Variants in CHMP3 observed in about 807,000 individuals in gnomAD.
CHMP3 encodes the protein 25.1 protein.
CHMP3 carries 8 observed loss-of-function variants against 27.4 expected under a neutral mutation model. The ratio of observed to expected loss-of-function variants is 0.29; its 90% confidence interval spans 0.17 to 0.53. The LOEUF (loss-of-function observed/expected upper bound fraction) is 0.53. Among genes scored for constraint, CHMP3 ranks in the 20% least tolerant of loss-of-function variants. The pLI, the probability that CHMP3 is intolerant of heterozygous loss-of-function variation, is 0.96. For synonymous variants in CHMP3, 86 were observed against 85.5 expected (o/e 1.01, Z -0.03); for missense variants, 208 against 271.5 (o/e 0.77, Z 1.64).
At chr2:86,516,017 G>A (rs573299085) in intron 3 of CHMP3, among the ~76,000 whole-genome samples, 5 of 151,824 alleles carry the variant, frequency 3.3e-5, no homozygotes, top group South Asian at 2.1e-4. Context: ...GTGTGGTGGC[G>A]CACGCCTGTA....
intron 1 of CHMP3, among the ~76,000 whole-genome samples, chr2:86,549,610 G>A (rs1676791848): frequency 6.7e-6 from 1 of 148,704 alleles, no homozygotes; most frequent in Non-Finnish European, 1.5e-5. Context: ...GGTCGGCCGG[G>A]AAGAGGCACT....
intron 3 of CHMP3, among the ~76,000 whole-genome samples, chr2:86,523,164 C>G (rs187789017): frequency 5.9e-5 from 9 of 152,168 alleles, no homozygotes; most frequent in African/African-American, 1.7e-4. Flanking sequence ...CCCACTTGCT[C>G]GGTACCCAAC....
intron 1 of CHMP3, among the ~76,000 whole-genome samples, chr2:86,545,788 GCTC>G (rs1338407983): frequency 2.1e-4 from 31 of 144,646 alleles, no homozygotes; most frequent in Non-Finnish European, 4.1e-4. Context: ...GGGCAGAGGC[GCTC>G]CTCACCTCCC....
At chr2:86,552,973 T>C (rs553150272) in intron 1 of CHMP3, among the ~76,000 whole-genome samples, 4 of 126,102 alleles carry the variant, frequency 3.2e-5, no homozygotes, top group South Asian at 2.5e-4. Flanking sequence ...CATGGGCACA[T>C]GGAGGGCAAC....
At chr2:86,506,057 C>T (rs1029690620) in intron 5 of CHMP3, 108 bp from the exon 6 acceptor site, 3 of 1,314,306 alleles carry the variant, frequency 2.3e-6, no homozygotes, top group Admixed American at 3.3e-5. Context: ...AAAAATGAGA[C>T]AGTACAGCAA....
At chr2:86,518,442 G>A (rs565486265) in intron 3 of CHMP3, among the ~76,000 whole-genome samples, 7 of 151,868 alleles carry the variant, frequency 4.6e-5, no homozygotes, top group Admixed American at 2.6e-4. Flanking sequence ...TTAAAGTCAC[G>A]TTTATTTATG....
chr2:86,533,509 A>ATT (rs957762369), intron 2 of CHMP3, among the ~76,000 whole-genome samples: 1 of 146,644 alleles, frequency 6.8e-6, no homozygotes, highest in African/African-American at 2.5e-5. Context: ...CTCATCTGAG[A>ATT]TTTTTTTTTT....
chr2:86,522,449 G>A (rs769678721), intron 3 of CHMP3, among the ~76,000 whole-genome samples: 9 of 152,158 alleles, frequency 5.9e-5, no homozygotes, highest in Non-Finnish European at 1.2e-4. Context: ...AATCCTTCCT[G>A]TCAGCAAAAG....
At chr2:86,554,675 C>T (rs1677042374) in intron 1 of CHMP3, among the ~76,000 whole-genome samples, 1 of 152,056 alleles carries the variant, frequency 6.6e-6, no homozygotes, top group Non-Finnish European at 1.5e-5. Flanking sequence ...ATCCTAAGAT[C>T]CAAAAATTTC....
In CHMP3 at chr2:86,529,346, T is replaced by C. The variant is rs1675828127; in HGVS notation, c.158A>G (p.Lys53Arg). The change falls in exon 3 of 6, where the codon AAG (lysine) becomes AGG (arginine). Residue 53 changes from lysine (K) to arginine (R), a missense_variant. By Grantham distance (26) the Lys-to-Arg change is conservative. Around this residue, in one of 3 missense-constraint regions of CHMP3, gnomAD observed 94 missense variants for 159.6 expected, o/e 0.59. Transcript: ENST00000263856. ...TATGCAGACATCCTTCTGGCCCTTC[T>C]TGGCAGCATCTTTCACAGATCGTTT... is the stretch of plus-strand genomic sequence containing the variant. ...KVKRSVKDAA[K>R]KGQKDVCIVL... 1 of 1,611,204 alleles carries C rather than the reference T, an allele frequency of 6.2e-7. No individual in the cohort carries two copies. The highest frequency in any genetic ancestry group is 8.5e-7 in the Non-Finnish European group (1 of 1,179,142).
intron 5 of CHMP3, among the ~76,000 whole-genome samples, chr2:86,506,686 C>CTCA (rs1218273202): frequency 6.8e-6 from 1 of 148,006 alleles, no homozygotes; most frequent in African/African-American, 2.5e-5. Context: ...TGGCCAACTG[C>CTCA]AGCCTGGACC....
At chr2:86,553,203 G>GA (rs1676979010) in intron 1 of CHMP3, among the ~76,000 whole-genome samples, 1 of 146,552 alleles carries the variant, frequency 6.8e-6, no homozygotes. Flanking sequence ...AAAAGTTGGA[G>GA]GAAAAAAAAA....
intron 3 of CHMP3, among the ~76,000 whole-genome samples, chr2:86,517,923 A>G (rs984756098): frequency 2.6e-5 from 4 of 152,234 alleles, no homozygotes; most frequent in African/African-American, 9.6e-5. Context: ...CAGGAGGCTG[A>G]GGTGGGAGGA....
At chr2:86,511,324 G>A (rs1323962634) in intron 3 of CHMP3, 2 of 152,148 alleles carry the variant, frequency 1.3e-5, no homozygotes, top group Non-Finnish European at 2.9e-5. Flanking sequence ...AGAAATGCCT[G>A]TCTGACATTC....
intron 3 of CHMP3, among the ~76,000 whole-genome samples, chr2:86,513,904 G>A (rs1481793612): frequency 6.6e-6 from 1 of 152,090 alleles, no homozygotes; most frequent in African/African-American, 2.4e-5. Flanking sequence ...GAGATAATTG[G>A]GTTTGAACCC....
chr2:86,552,137 T>C (rs1558661687), intron 1 of CHMP3, among the ~76,000 whole-genome samples: 2 of 152,154 alleles, frequency 1.3e-5, no homozygotes, highest in Non-Finnish European at 2.9e-5. Flanking sequence ...TGACCAAATG[T>C]ATAAGTTTTT....
rs561451347 is a variant in CHMP3, at chr2:86,507,599, CA to C, written c.409-7del. 4.7e-5 allele frequency: 76 copies of C among 1,612,306 alleles called. 1 individual carries two copies. The South Asian group carries it at 7.6e-4, about 16-fold the overall frequency. ...ATCTCCTCTATGATCCCAGCCTAAA[CA>C]GAATAAATATGTCACTTCGGTCAAC... On this transcript the variant is annotated splice_polypyrimidine_tract_variant and splice_region_variant and intron_variant, in intron 4 of 5. Coordinates refer to ENST00000263856, the MANE Select transcript of CHMP3 (RefSeq NM_016079.4).
At chr2:86,506,005 A>ATCT in intron 5 of CHMP3, 56 bp from the exon 6 acceptor site, 1 of 1,458,156 alleles carries the variant, frequency 6.9e-7, no homozygotes, top group Admixed American at 2.3e-5. Flanking sequence ...CAGCCCCTCA[A>ATCT]TCTTCCCTGC....
chr2:86,539,712 T>C (rs1302242645), intron 2 of CHMP3, among the ~76,000 whole-genome samples: 3 of 152,136 alleles, frequency 2.0e-5, no homozygotes, highest in Non-Finnish European at 2.9e-5. Flanking sequence ...AGCCCCACAA[T>C]ACATTATTAT....
Sources: gnomAD v4.1 joint callset for allele counts (sites outside exome capture counted in the v4.1 genomes callset) on GRCh38, gnomAD v4.1.1 for gene constraint, gnomAD v4.1.1 regional missense constraint, MANE v1.5 for transcripts, NCBI Gene and HGNC (gene_info 2026-07-23, HGNC 2026-07-21) for gene names.